Variants in BRCA1 observed in about 807,000 individuals in gnomAD.
BRCA1 encodes the protein breast cancer type 1 susceptibility protein.
A neutral mutation model predicts 173.7 loss-of-function variants in BRCA1; 140 were observed. That is an observed-to-expected ratio of 0.81 (90% CI 0.70 to 0.93). BRCA1 has a LOEUF of 0.93. Ranked by LOEUF, BRCA1 falls within the 40% of genes least tolerant of loss-of-function variation. BRCA1 has a pLI of 0.00. For missense variants in BRCA1, 1,983 were observed against 2,172.5 expected, an observed-to-expected ratio of 0.91 and a Z score of 1.73; for synonymous variants, 662 against 756.0, an observed-to-expected ratio of 0.88 and a Z score of 2.04.
rs1491277616 is a variant in BRCA1 at position 43,100,678 on chromosome 17, A to ATAACATATATATAAC, written c.442-799_442-798insGTTATATATATGTTA. ...ATAACATATATATATATATATATAT[A>ATAACATATATATAAC]ATATATATATATATATATATATATG... On this transcript the variant is annotated intron_variant, in intron 6 of 22. Coordinates refer to ENST00000357654, the MANE Select transcript of BRCA1 (RefSeq NM_007294.4). Among the ~76,000 whole-genome samples the ATAACATATATATAAC allele has an allele frequency of 3.3e-4, 12 of 36,280 alleles. 3 individuals are homozygous for ATAACATATATATAAC. Among genetic ancestry groups the ATAACATATATATAAC allele is most frequent in the African/African-American group, 1.5e-3 (12 of 8,238 alleles). 23.8% of individuals were successfully genotyped at this position (36,280 alleles called of 152,430 possible). A position where few individuals can be genotyped will look rare whatever the true frequency, so the allele number is the denominator to read the frequency against.
At position 43,066,598 on chromosome 17, in the gene BRCA1, A is replaced by C. The variant is rs142829210; in HGVS notation, c.5074+1010T>G. Among the ~76,000 whole-genome samples, 76 of 151,562 alleles carry C rather than the reference A, an allele frequency of 5.0e-4. 1 individual carries two copies. In the East Asian group the frequency reaches 0.015, roughly 29 times the overall value. On this transcript the variant is annotated intron_variant, in intron 16 of 22. Transcript: ENST00000357654. ...GCCAATTTATGTATTTTTAGTAGAG[A>C]CTGGGTTTTACCATATTGGCCAGGC...
At chr17:43,105,056 G>T in intron 4 of BRCA1, 100 bp from the exon 5 acceptor site, 1 of 955,776 alleles carries the variant, frequency 1.0e-6, no homozygotes, top group Non-Finnish European at 1.6e-6. Context: ...AAAATAAGAT[G>T]CAGCAACAGT....
chr17:43,081,016 A>C (rs1025317524), intron 12 of BRCA1, among the ~76,000 whole-genome samples: 1 of 152,246 alleles, frequency 6.6e-6, no homozygotes. Context: ...GTGATATCCA[A>C]AACAATTCAG....
Position 43,094,773 on chromosome 17 carries a change from G to T in BRCA1, c.758C>A (p.Ala253Glu), listed in dbSNP as rs1555593177. 6.2e-7 allele frequency: 1 copy of T among 1,611,952 alleles called. No homozygotes were observed. Among genetic ancestry groups the T allele is most frequent in the South Asian group, 1.1e-5 (1 of 90,820 alleles). The change falls in exon 10 of 23, where the codon GCA (alanine) becomes GAA (glutamate). Residue 253 changes from alanine to glutamate, a missense_variant. Coordinates refer to ENST00000357654, the MANE Select transcript of BRCA1 (RefSeq NM_007294.4). ...ATACTTTTCTGGATGCCTCTCAGCT[G>T]CACGCTTCTCAGTGGTGTTCAAATC... ...NNDLNTTEKRAAERHPEKYQG... is the reference protein window; with the variant it reads ...NNDLNTTEKREAERHPEKYQG...
chr17:43,125,072 C>G (rs2055809034), intron 1 of BRCA1, 199 bp downstream of exon 1: 4 of 445,978 alleles, frequency 9.0e-6, no homozygotes, highest in Non-Finnish European at 1.8e-5. Context: ...CTCAGTGCCC[C>G]CTTCCTGATC....
chr17:43,100,679 A>ATG (rs2054418273), intron 6 of BRCA1, among the ~76,000 whole-genome samples: 1 of 8,436 alleles, frequency 1.2e-4, no homozygotes, highest in Non-Finnish European at 1.8e-4. Flanking sequence ...TATATATATA[A>ATG]TATATATATA....
At chr17:43,066,733 A>C (rs1258226073) in intron 16 of BRCA1, among the ~76,000 whole-genome samples, 1 of 149,588 alleles carries the variant, frequency 6.7e-6, no homozygotes, top group African/African-American at 2.5e-5. Context: ...TTTAGGACTT[A>C]GGCTCCACCT....
intron 7 of BRCA1, among the ~76,000 whole-genome samples, chr17:43,099,098 C>T (rs570271499): frequency 8.6e-5 from 13 of 151,570 alleles, no homozygotes; most frequent in Non-Finnish European, 1.2e-4. Context: ...GCTGGGATTA[C>T]AGGCGTGAGC....
At chr17:43,159,395 G>A (rs1269112419) in intron 1 of BRCA1, 3 of 157,638 alleles carry the variant, frequency 1.9e-5, no homozygotes, top group Non-Finnish European at 4.2e-5. Context: ...CGGACGGGGC[G>A]GCTGGCCTGG....
At position 43,075,589 on chromosome 17, in the gene BRCA1, G is replaced by A. The variant is rs181392764; in HGVS notation, c.4484+899C>T. On this transcript the variant is annotated intron_variant, in intron 13 of 22. Coordinates refer to ENST00000357654, the MANE Select transcript of BRCA1 (RefSeq NM_007294.4). Reference sequence around the variant, plus strand: ...CTTTTTTTTTTTGTTTTGAGACGGAGTCTTGCTCTGTCGCCCAGGCTGGAG... The same window carrying A: ...CTTTTTTTTTTTGTTTTGAGACGGAATCTTGCTCTGTCGCCCAGGCTGGAG... Among the ~76,000 whole-genome samples the A allele has an allele frequency of 1.3e-3, 191 of 151,942 alleles. 1 individual carries two copies. Among genetic ancestry groups the A allele is most frequent in the African/African-American group, 4.3e-3 (180 of 41,438 alleles).
At chr17:43,146,619 C>A (rs1295179088) in intron 1 of BRCA1, among the ~76,000 whole-genome samples, 1 of 151,890 alleles carries the variant, frequency 6.6e-6, no homozygotes, top group Non-Finnish European at 1.5e-5. Context: ...ATTTTTGTTA[C>A]ATATGTTAAG....
At chr17:43,061,820 A>G (rs558167701) in intron 18 of BRCA1, among the ~76,000 whole-genome samples, 5 of 152,054 alleles carry the variant, frequency 3.3e-5, no homozygotes, top group African/African-American at 9.7e-5. Flanking sequence ...CCTGACCTCA[A>G]GTGATCCACC....
chr17:43,097,313 T>G lies in BRCA1; in HGVS notation c.548-24A>C, dbSNP rs758221694. Reference sequence around the variant, plus strand: ...TCCTAAAAAATTTCCCCCCAAAAAATAAATCAATAAAAGTTTTCTTAATTA... The same window carrying G: ...TCCTAAAAAATTTCCCCCCAAAAAAGAAATCAATAAAAGTTTTCTTAATTA... On this transcript the variant is annotated intron_variant, in intron 7 of 22. Coordinates refer to ENST00000357654, the MANE Select transcript of BRCA1 (RefSeq NM_007294.4). 8 of 1,589,854 alleles carry G rather than the reference T, an allele frequency of 5.0e-6. No homozygotes were observed. The East Asian group carries it at 1.8e-4, about 36-fold the overall frequency.
At position 43,094,231 on chromosome 17, in the gene BRCA1, T is replaced by TGG; in HGVS notation, c.1298_1299dup (p.Ser434ProfsTer8). 1 of 1,614,136 alleles carries TGG rather than the reference T, an allele frequency of 6.2e-7. No individual in the cohort carries two copies. The highest frequency in any genetic ancestry group is 8.5e-7 in the Non-Finnish European group (1 of 1,180,036). ...CATATTAAAGCCTCATGAGGATCAC[T>TGG]GGCCAGTAAGTCTATTTTCTCTGAA... On this transcript the variant is annotated frameshift_variant, in exon 10 of 23. Transcript: ENST00000357654. LOFTEE classifies it high-confidence loss of function.
chr17:43,150,419 CACTT>C (rs746646897), intron 1 of BRCA1, among the ~76,000 whole-genome samples: 2 of 152,144 alleles, frequency 1.3e-5, no homozygotes, highest in Non-Finnish European at 2.9e-5. Context: ...TTTATGGACT[CACTT>C]ACCTCTGCAG....
intron 9 of BRCA1, among the ~76,000 whole-genome samples, chr17:43,095,437 C>T (rs954729337): frequency 1.3e-5 from 2 of 151,934 alleles, no homozygotes; most frequent in African/African-American, 4.8e-5. Context: ...AAAAAATTAA[C>T]CGGGTGTGGT....
intron 16 of BRCA1, chr17:43,067,294 C>CA: frequency 6.2e-6 from 1 of 161,370 alleles, no homozygotes; most frequent in Non-Finnish European, 1.2e-5. Context: ...CTTGCTCTGT[C>CA]GCCAGGCTGG....
intron 1 of BRCA1, among the ~76,000 whole-genome samples, chr17:43,168,814 G>GTGA (rs2056288489): frequency 6.6e-6 from 1 of 152,128 alleles, no homozygotes; most frequent in Non-Finnish European, 1.5e-5. Flanking sequence ...GAAAGAGAAA[G>GTGA]CTACAGGGGA....
intron 2 of BRCA1, chr17:43,119,235 G>T: frequency 4.7e-6 from 1 of 210,670 alleles, no homozygotes. Flanking sequence ...GGGAGGCCAA[G>T]GCGGGCCAGC....
Sources: gnomAD v4.1 joint callset for allele counts (sites outside exome capture counted in the v4.1 genomes callset) on GRCh38, gnomAD v4.1.1 for gene constraint, MANE v1.5 for transcripts, NCBI Gene and HGNC (gene_info 2026-07-23, HGNC 2026-07-21) for gene names.